The following LYRM4 variants were observed in gnomAD, a reference collection of about 807,000 sequenced individuals.
The protein encoded by LYRM4 is LYR motif containing 4.
Under a neutral mutation model 11.7 loss-of-function variants are expected in LYRM4, and 9 were observed. The ratio of observed to expected loss-of-function variants is 0.77; its 90% CI spans 0.46 to 1.34. The LOEUF (loss-of-function observed/expected upper bound fraction) is 1.34, where lower values mean the gene tolerates loss of function less well. Ranked by LOEUF, LYRM4 falls within the 40% of genes most tolerant of loss-of-function variation. The probability of loss-of-function intolerance (pLI) is 0.00; values close to 1 mark genes in which losing one functional copy is unlikely to be tolerated. For synonymous variants in LYRM4, 42 were observed against 40.4 expected, an observed-to-expected ratio of 1.04 and a Z score of -0.15; for missense variants, 133 against 112.5, an observed-to-expected ratio of 1.18 and a Z score of -0.82.
intron 2 of LYRM4, among the ~76,000 whole-genome samples, chr6:5,211,358 A>G (rs1255734495): frequency 6.6e-6 from 1 of 152,240 alleles, no homozygotes; most frequent in African/African-American, 2.4e-5. Flanking sequence ...AAAAGTAAAA[A>G]TAAGTATGGT....
chr6:5,109,029 T>G lies in LYRM4; in HGVS notation c.*394A>C. On this transcript the variant is annotated 3_prime_UTR_variant, in exon 3 of 3. Transcript: ENST00000330636. ...CTCCAGGCCTTGTATCAGTAGGAAA[T>G]GAAAATGCATTAATTGGGAGGGGTT... 9.9e-7 allele frequency: 1 copy of G among 1,008,958 alleles called. No individual in the cohort carries two copies. Among genetic ancestry groups the G allele is most frequent in the Non-Finnish European group, 1.2e-6 (1 of 843,558 alleles). 62.5% of individuals were successfully genotyped at this position (1,008,958 alleles called of 1,614,324 possible). A position where few individuals can be genotyped will look rare whatever the true frequency, so the allele number is the denominator to read the frequency against.
the LYRM4 span, chr6:5,088,969 G>T: frequency 1.3e-5 from 2 of 152,200 alleles, no homozygotes; most frequent in East Asian, 3.8e-4. Context: ...TCAAAATGTG[G>T]CATCTTACAC....
intron 2 of LYRM4, among the ~76,000 whole-genome samples, chr6:5,140,040 C>T (rs1757320808): frequency 6.6e-6 from 1 of 151,832 alleles, no homozygotes; most frequent in Non-Finnish European, 1.5e-5. Flanking sequence ...TCGAGACCAG[C>T]CTGGAAAACA....
chr6:5,260,598 T>TGCCCCGGCCCCCGGGCCCCCCC, intron 1 of LYRM4, 50 bp downstream of exon 1: 2 of 1,105,568 alleles, frequency 1.8e-6, no homozygotes, highest in Non-Finnish European at 2.6e-6. Flanking sequence ...GCACCCCCGG[T>TGCCCCGGCCCCCGGGCCCCCCC]CCCCGGCCCC....
At chr6:5,072,325 C>A in the LYRM4 span, among the ~76,000 whole-genome samples, 3 of 151,958 alleles carry the variant, frequency 2.0e-5, no homozygotes, top group African/African-American at 4.8e-5. Flanking sequence ...GATTTATATT[C>A]CTTTGGATAT....
chr6:5,086,018 G>T, the LYRM4 span: 7 of 1,497,360 alleles, frequency 4.7e-6, no homozygotes, highest in Admixed American at 1.5e-4. Flanking sequence ...GAGCAGCTCG[G>T]GGGGCTGCTG....
chr6:5,085,668 G>A, the LYRM4 span: 56 of 1,548,350 alleles, frequency 3.6e-5, no homozygotes, highest in Non-Finnish European at 4.8e-5. Flanking sequence ...CCCTGTCCCC[G>A]AAGGAAGAGG....
At chr6:5,136,102 T>A (rs1004818275) in intron 2 of LYRM4, 5 of 177,146 alleles carry the variant, frequency 2.8e-5, no homozygotes, top group African/African-American at 1.2e-4. Context: ...TAGGGCTGAG[T>A]AACATTCCAT....
At chr6:5,033,459 A>G in the LYRM4 span, 5 of 151,938 alleles carry the variant, frequency 3.3e-5, no homozygotes, top group African/African-American at 1.2e-4. Context: ...GCTGTCCTCA[A>G]TGCCTCCCCC....
chr6:5,095,444 T>C, the LYRM4 span, among the ~76,000 whole-genome samples: 2 of 152,102 alleles, frequency 1.3e-5, no homozygotes, highest in Non-Finnish European at 2.9e-5. Context: ...AAAATGGAAG[T>C]GAGGTACAGA....
At chr6:5,118,153 G>T (rs1414705898) in intron 2 of LYRM4, among the ~76,000 whole-genome samples, 3 of 144,194 alleles carry the variant, frequency 2.1e-5, no homozygotes, top group African/African-American at 7.7e-5. Context: ...CTGTCATCCA[G>T]GCTGCAGTGC....
the LYRM4 span, among the ~76,000 whole-genome samples, chr6:5,051,959 C>T: frequency 8.3e-3 from 1,261 of 152,230 alleles, 8 homozygotes; most frequent in Non-Finnish European, 0.015. Context: ...ACTCACCCTC[C>T]CTGTGACTGT....
chr6:5,244,527 G>A lies in LYRM4; in HGVS notation c.86+16121C>T, dbSNP rs186297024. ...CCAAAAGCAGAGGGGTGAGAGTGTT[G>A]GAAAGGAGAAGAGAGACTCCTCTCT... On this transcript the variant is annotated intron_variant, in intron 1 of 2. Coordinates refer to ENST00000330636, the MANE Select transcript of LYRM4 (RefSeq NM_020408.6). Among the ~76,000 whole-genome samples the A allele has an allele frequency of 1.4e-4, 22 of 152,230 alleles. No homozygotes were observed. In the East Asian group the frequency reaches 4.1e-3, roughly 28 times the overall value.
rs765741377 is a variant in LYRM4 at position 5,138,487 on chromosome 6, C to CAAAAAAAAAAAAAAAAA, written c.208-29013_208-28997dup. On this transcript the variant is annotated intron_variant, in intron 2 of 2. Transcript: ENST00000330636. Reference sequence around the variant, plus strand: ...GGCCAACAGAGTGAGACCCTGTCTCCAAAAAAAAAAAAAAAAAAAAAAAAA... The same window carrying CAAAAAAAAAAAAAAAAA: ...GGCCAACAGAGTGAGACCCTGTCTCCAAAAAAAAAAAAAAAAAAAAAAAAAAAAAAAAAAAAAAAAAA... Among the ~76,000 whole-genome samples the CAAAAAAAAAAAAAAAAA allele has an allele frequency of 2.6e-4, 13 of 49,684 alleles. 1 individual carries two copies. The highest frequency in any genetic ancestry group is 7.5e-4 in the African/African-American group (9 of 12,072). The allele number at this position is 49,684 out of a possible 152,430, so 32.6% of individuals were successfully genotyped here. A position where few individuals can be genotyped will look rare whatever the true frequency, so the allele number is the denominator to read the frequency against.
chr6:5,067,882 G>A, the LYRM4 span, among the ~76,000 whole-genome samples: 1 of 152,144 alleles, frequency 6.6e-6, no homozygotes, highest in South Asian at 2.1e-4. Flanking sequence ...AAAAGATTAC[G>A]TATATAGTGT....
At chr6:5,060,314 ATTTG>A in the LYRM4 span, among the ~76,000 whole-genome samples, 1 of 151,794 alleles carries the variant, frequency 6.6e-6, no homozygotes, top group Non-Finnish European at 1.5e-5. Flanking sequence ...TGTCTTTTGG[ATTTG>A]TTTGTTATAA....
intron 2 of LYRM4, among the ~76,000 whole-genome samples, chr6:5,167,360 A>C (rs7772716): frequency 0.087 from 13,177 of 152,210 alleles, 753 homozygotes; most frequent in African/African-American, 0.16. Flanking sequence ...CTATGCCTAC[A>C]CAAATACACA....
At chr6:5,081,257 T>G in the LYRM4 span, among the ~76,000 whole-genome samples, 1 of 151,812 alleles carries the variant, frequency 6.6e-6, no homozygotes, top group African/African-American at 2.4e-5. Context: ...GGGCCCTGTC[T>G]CCGGGAGAAA....
chr6:5,085,667 C>T, the LYRM4 span: 3 of 1,548,446 alleles, frequency 1.9e-6, no homozygotes, highest in Non-Finnish European at 2.6e-6. Context: ...CCCCTGTCCC[C>T]GAAGGAAGAG....
Sources: allele counts gnomAD v4.1 joint callset (sites outside exome capture counted in the v4.1 genomes callset), GRCh38; gene constraint gnomAD v4.1.1; transcripts MANE v1.5; gene names NCBI Gene and HGNC (gene_info 2026-07-23, HGNC 2026-07-21).